YAP1: variants seen among roughly 807,000 people sequenced by gnomAD.
YAP1 encodes Yes1 associated transcriptional regulator.
In YAP1, 5 loss-of-function variants were observed where a neutral mutation model predicts 56.9. That is an observed-to-expected ratio of 0.09 (90% CI 0.05 to 0.18). The LOEUF (loss-of-function observed/expected upper bound fraction) is 0.18, where lower values mean the gene tolerates loss of function less well. Ranked by LOEUF, YAP1 falls within the 10% of genes least tolerant of loss-of-function variation. The pLI is 1.00. For synonymous variants in YAP1, 265 were observed against 248.1 expected (o/e 1.07, Z -0.64); for missense variants, 539 against 651.8 (o/e 0.83, Z 1.88).
intron 4 of YAP1, among the ~76,000 whole-genome samples, chr11:102,198,247 G>T (rs191492238): frequency 6.6e-6 from 1 of 152,248 alleles, no homozygotes; most frequent in Admixed American, 6.5e-5. Context: ...TGAATAGTCA[G>T]ATAAGCTTAG....
chr11:102,152,135 T>C (rs1371869032), intron 2 of YAP1, among the ~76,000 whole-genome samples: 3 of 152,226 alleles, frequency 2.0e-5, no homozygotes, highest in Admixed American at 6.5e-5. Context: ...CTTTCACTTA[T>C]CTGTGAAGGA....
chr11:102,121,376 G>A (rs909842794), intron 2 of YAP1, among the ~76,000 whole-genome samples: 2 of 151,766 alleles, frequency 1.3e-5, no homozygotes, highest in Admixed American at 1.3e-4. Context: ...GGAAGTCGAG[G>A]CTGCAGTGAT....
intron 3 of YAP1, among the ~76,000 whole-genome samples, chr11:102,175,257 G>A (rs1276673378): frequency 6.6e-6 from 1 of 151,950 alleles, no homozygotes; most frequent in African/African-American, 2.4e-5. Context: ...AAAATTAGCC[G>A]GGCATGGTGG....
chr11:102,127,243 G>C (rs185923432), intron 2 of YAP1, among the ~76,000 whole-genome samples: 41 of 152,314 alleles, frequency 2.7e-4, no homozygotes, highest in African/African-American at 7.9e-4. Flanking sequence ...ATGTCTCCAG[G>C]CCATGTCAGA....
chr11:102,147,067 A>G (rs141333353), intron 2 of YAP1, among the ~76,000 whole-genome samples: 2 of 152,128 alleles, frequency 1.3e-5, no homozygotes, highest in Admixed American at 6.6e-5. Flanking sequence ...TGTTATCTCT[A>G]TTTTATTTTT....
rs1943142710 is a variant in YAP1 at position 102,114,286 on chromosome 11, C to G, written c.464C>G (p.Pro155Arg). The part of the protein sequence containing the change: ...TGVVSGPAAT[P>R]TAQHLRQSSF... ...GTAGTCTCTGGCCCAGCAGCTACAC[C>G]CACAGCTCAGCATCTTCGACAGTCT... Residue 155 changes from proline (P) to arginine (R), a missense_variant, in exon 2 of 9, where the codon CCC becomes CGC. By Grantham distance (103) the Pro-to-Arg change is moderately radical. Around this residue, in one of 4 missense-constraint regions of YAP1, gnomAD observed 414 missense variants for 512.4 expected, o/e 0.81. Transcript: ENST00000282441. 1.9e-6 allele frequency: 3 copies of G among 1,614,036 alleles called. No individual in the cohort carries two copies. The highest frequency in any genetic ancestry group is 2.5e-6 in the Non-Finnish European group (3 of 1,180,028).
Position 102,114,967 on chromosome 11 carries a change from C to G in YAP1, c.572+573C>G, listed in dbSNP as rs77455863. ...AAGGGAAATAAAAATTTTTAGGTTT[C>G]ATATGCAGTCGCTCAGTGGCAAACT... On this transcript the variant is annotated intron_variant, in intron 2 of 8. Coordinates refer to ENST00000282441, the MANE Select transcript of YAP1 (RefSeq NM_001130145.3). 2.6e-3 allele frequency among the ~76,000 whole-genome samples: 396 copies of G among 152,298 alleles called. 2 individuals are homozygous for G. The highest frequency in any genetic ancestry group is 9.1e-3 in the African/African-American group (377 of 41,564).
At chr11:102,150,929 T>G (rs1945612733) in intron 2 of YAP1, among the ~76,000 whole-genome samples, 1 of 151,778 alleles carries the variant, frequency 6.6e-6, no homozygotes, top group Non-Finnish European at 1.5e-5. Flanking sequence ...CCTTCCTGAG[T>G]AGCTAGGATT....
intron 3 of YAP1, among the ~76,000 whole-genome samples, chr11:102,168,755 C>G (rs1946739354): frequency 2.0e-5 from 3 of 152,162 alleles, no homozygotes; most frequent in Non-Finnish European, 4.4e-5. Context: ...CTTGTGTTCT[C>G]CTGCCTGCCT....
chr11:102,168,745 C>G (rs570569481), intron 3 of YAP1, among the ~76,000 whole-genome samples: 1 of 152,164 alleles, frequency 6.6e-6, no homozygotes, highest in Non-Finnish European at 1.5e-5. Context: ...AGGTTTGCCT[C>G]TTGTGTTCTC....
chr11:102,213,551 A>C (rs1263537383), intron 6 of YAP1, among the ~76,000 whole-genome samples: 1 of 152,164 alleles, frequency 6.6e-6, no homozygotes, highest in Admixed American at 6.5e-5. Flanking sequence ...GATCGAGTTT[A>C]AACTCTGCAA....
intron 5 of YAP1, among the ~76,000 whole-genome samples, chr11:102,207,598 G>A (rs764105984): frequency 2.0e-5 from 3 of 151,656 alleles, no homozygotes; most frequent in African/African-American, 4.8e-5. Context: ...TTGTTTTTTG[G>A]GTTTTTTTTA....
intron 3 of YAP1, among the ~76,000 whole-genome samples, chr11:102,183,702 CTGTGTGTG>C (rs140546191): frequency 6.0e-4 from 85 of 141,808 alleles, no homozygotes; most frequent in Non-Finnish European, 7.0e-4. Flanking sequence ...AATGCTGTTT[CTGTGTGTG>C]TGTGTGTGTG....
At chr11:102,204,960 C>G (rs1811330807) in intron 4 of YAP1, among the ~76,000 whole-genome samples, 1 of 151,930 alleles carries the variant, frequency 6.6e-6, no homozygotes, top group Non-Finnish European at 1.5e-5. Context: ...AACAGTGACC[C>G]AAAATTTCAA....
chr11:102,210,777 G>A (rs906784103), intron 6 of YAP1, among the ~76,000 whole-genome samples: 1 of 152,102 alleles, frequency 6.6e-6, no homozygotes, highest in African/African-American at 2.4e-5. Context: ...TTTTGAGATG[G>A]AGTTTCGCTC....
At chr11:102,114,063 A>G (rs1943128680) in intron 1 of YAP1, 81 bp from the exon 2 acceptor site, 6 of 1,454,238 alleles carry the variant, frequency 4.1e-6, no homozygotes, top group Middle Eastern at 1.8e-4. Flanking sequence ...TTCGGCTGCA[A>G]TTAAGCGCTG....
At chr11:102,122,543 T>A (rs1169656681) in intron 2 of YAP1, among the ~76,000 whole-genome samples, 1 of 152,168 alleles carries the variant, frequency 6.6e-6, no homozygotes, top group Non-Finnish European at 1.5e-5. Context: ...ATTTAATTTT[T>A]AGGGAAGTAA....
rs886433933 is a variant in YAP1, at chr11:102,231,008, C to T, written c.*1068C>T. 1 of 152,126 alleles carries T rather than the reference C, an allele frequency of 6.6e-6. No homozygotes were observed. Among genetic ancestry groups the T allele is most frequent in the Non-Finnish European group, 1.5e-5 (1 of 68,022 alleles). 9.4% of individuals were successfully genotyped at this position (152,126 alleles called of 1,614,324 possible). ...AATACATGACTAGTAGTTTATATTTCACTGGTAGTTTAAATCTGGTTGGGG... is the reference window on the plus strand; with the variant it reads ...AATACATGACTAGTAGTTTATATTTTACTGGTAGTTTAAATCTGGTTGGGG... On this transcript the variant is annotated 3_prime_UTR_variant, in exon 9 of 9. Coordinates refer to ENST00000282441, the MANE Select transcript of YAP1 (RefSeq NM_001130145.3).
At chr11:102,126,969 T>C (rs1049149804) in intron 2 of YAP1, among the ~76,000 whole-genome samples, 1 of 152,168 alleles carries the variant, frequency 6.6e-6, no homozygotes, top group African/African-American at 2.4e-5. Context: ...CCCTAGAGAT[T>C]TGTGGAACTT....
Sources: allele counts gnomAD v4.1 joint callset (sites outside exome capture counted in the v4.1 genomes callset), GRCh38; gene constraint gnomAD v4.1.1; regional missense constraint gnomAD v4.1.1; transcripts MANE v1.5; gene names NCBI Gene and HGNC (gene_info 2026-07-23, HGNC 2026-07-21).